The following FAF2 variants were observed in gnomAD, a reference collection of about 807,000 sequenced individuals.
The protein encoded by FAF2 is FAS-associated factor 2.
A neutral mutation model predicts 62.3 loss-of-function variants in FAF2; 9 were observed. The observed-to-expected ratio is 0.14, with a 90% CI of 0.09 to 0.25. FAF2 has a LOEUF of 0.25. Ranked by LOEUF, FAF2 falls within the 10% of genes least tolerant of loss-of-function variation. FAF2 has a pLI of 1.00. For missense variants in FAF2, 368 were observed against 556.2 expected, an observed-to-expected ratio of 0.66 and a Z score of 3.40; for synonymous variants, 202 against 198.0, an observed-to-expected ratio of 1.02 and a Z score of -0.17.
chr5:176,457,864 G>A (rs369067864), intron 1 of FAF2, among the ~76,000 whole-genome samples: 1 of 152,254 alleles, frequency 6.6e-6, no homozygotes, highest in African/African-American at 2.4e-5. Context: ...TTTTAAATGT[G>A]TGTTTGTAAA....
In FAF2 at chr5:176,506,990, A is replaced by G; in HGVS notation, c.*40A>G. 2 of 1,344,722 alleles carry G rather than the reference A, an allele frequency of 1.5e-6. No individual in the cohort carries two copies. The highest frequency in any genetic ancestry group is 5.5e-5 in the East Asian group (2 of 36,650). 83.3% of individuals were successfully genotyped at this position (1,344,722 alleles called of 1,614,324 possible). ...TGTCCCCTCCTACCCCAGTCCCTAA[A>G]AGAAATGGGGAAAAAAGAAAACAAC... On this transcript the variant is annotated 3_prime_UTR_variant, in exon 11 of 11. Transcript: ENST00000261942.
In FAF2 at chr5:176,464,157, G is replaced by A. The variant is rs188635685; in HGVS notation, c.64-15031G>A. ...TTTTTTGTAGAGACAGGGTCTCACC[G>A]TGTTTCCCAGGCTGTCCTTAAGGCC... On this transcript the variant is annotated intron_variant, in intron 1 of 10. Coordinates refer to ENST00000261942, the MANE Select transcript of FAF2 (RefSeq NM_014613.3). Among the ~76,000 whole-genome samples the A allele has an allele frequency of 1.4e-3, 218 of 151,978 alleles. 2 individuals carry two copies. The highest frequency in any genetic ancestry group is 2.8e-3 in the Admixed American group (43 of 15,242).
Position 176,494,494 on chromosome 5 carries a change from C to T in FAF2, c.661+219C>T, listed in dbSNP as rs199697518. Among the ~76,000 whole-genome samples, 1 of 152,128 alleles carries T rather than the reference C, an allele frequency of 6.6e-6. No homozygotes were observed. Among genetic ancestry groups the T allele is most frequent in the Admixed American group, 6.5e-5 (1 of 15,272 alleles). On this transcript the variant is annotated intron_variant, in intron 7 of 10. Transcript: ENST00000261942. This position sits in a 1 kb window ranked among gnomAD's most constrained non-coding sequence, Gnocchi z 4.0. ...GTTTAGGAAATAGGCTCAGAGAGTT[C>T]AAGCCACTGGCTGAAGATCACACAA...
chr5:176,475,534 T>C (rs887659328), intron 1 of FAF2, among the ~76,000 whole-genome samples: 2 of 152,156 alleles, frequency 1.3e-5, no homozygotes, highest in African/African-American at 2.4e-5. Flanking sequence ...CCCAACACTT[T>C]GGGAGGCCGA....
intron 1 of FAF2, among the ~76,000 whole-genome samples, chr5:176,462,529 C>T (rs538989695): frequency 6.6e-6 from 1 of 151,956 alleles, no homozygotes; most frequent in African/African-American, 2.4e-5. Flanking sequence ...GAGGCTGAGG[C>T]AGGAGAATCA....
chr5:176,499,924 A>C, intron 9 of FAF2, 79 bp from the exon 10 acceptor site: 2 of 1,533,332 alleles, frequency 1.3e-6, no homozygotes, highest in Non-Finnish European at 1.8e-6. Flanking sequence ...TTTTCTTCTG[A>C]CGACTGCGTA....
chr5:176,492,426 C>G, intron 5 of FAF2, 94 bp downstream of exon 5: 1 of 1,352,986 alleles, frequency 7.4e-7, no homozygotes, highest in South Asian at 1.6e-5. Flanking sequence ...CCTTCTTGTA[C>G]TCAAAAACCT....
chr5:176,508,987 CTTCTT>C lies in FAF2; in HGVS notation c.*2038_*2042del. 6.6e-6 allele frequency: 1 copy of C among 152,204 alleles called. No homozygotes were observed. Among genetic ancestry groups the C allele is most frequent in the East Asian group, 1.9e-4 (1 of 5,176 alleles). 9.4% of individuals were successfully genotyped at this position (152,204 alleles called of 1,614,324 possible). On this transcript the variant is annotated 3_prime_UTR_variant, in exon 11 of 11. Transcript: ENST00000261942. ...TTTTTTTTCCATCATAATTCAGTCT[CTTCTT>C]ATTCTACAGTGTGCACTTTATGCCT...
At chr5:176,481,927 A>C (rs1758789016) in intron 2 of FAF2, among the ~76,000 whole-genome samples, 1 of 152,098 alleles carries the variant, frequency 6.6e-6, no homozygotes, top group African/African-American at 2.4e-5. Context: ...CCTTTTGAAG[A>C]GCTCCCAGAC....
At chr5:176,454,162 G>A (rs1162243336) in intron 1 of FAF2, among the ~76,000 whole-genome samples, 1 of 151,502 alleles carries the variant, frequency 6.6e-6, no homozygotes, top group South Asian at 2.1e-4. Context: ...GGAGGCCGAG[G>A]CAGGCAGATC....
intron 4 of FAF2, among the ~76,000 whole-genome samples, chr5:176,491,096 A>G (rs557239812): frequency 1.3e-5 from 2 of 152,324 alleles, no homozygotes; most frequent in African/African-American, 2.4e-5. Context: ...TTGTTAAGGA[A>G]AAGTATCACA....
chr5:176,502,815 C>T (rs548546719), intron 10 of FAF2, among the ~76,000 whole-genome samples: 27 of 151,226 alleles, frequency 1.8e-4, no homozygotes, highest in Non-Finnish European at 3.4e-4. Flanking sequence ...TTTGGGGGGC[C>T]GAGGCAGGCG....
At chr5:176,486,657 G>A (rs576926006) in intron 3 of FAF2, among the ~76,000 whole-genome samples, 168 bp downstream of exon 3, 1 of 140,074 alleles carries the variant, frequency 7.1e-6, no homozygotes, top group Admixed American at 7.6e-5. Flanking sequence ...TCAAGGAATT[G>A]TTACAGAAAC....
intron 3 of FAF2, among the ~76,000 whole-genome samples, chr5:176,488,258 G>A (rs1009336593): frequency 2.6e-5 from 4 of 151,152 alleles, no homozygotes; most frequent in East Asian, 4.0e-4. Context: ...GATTACAGGC[G>A]TGAGCCACCA....
At chr5:176,460,482 A>C (rs1364606159) in intron 1 of FAF2, among the ~76,000 whole-genome samples, 29 of 148,734 alleles carry the variant, frequency 1.9e-4, no homozygotes, top group Admixed American at 1.8e-3. Context: ...GCATTTCTCT[A>C]ATGAGCAGTG....
At chr5:176,464,147 G>C (rs1758426186) in intron 1 of FAF2, among the ~76,000 whole-genome samples, 1 of 152,038 alleles carries the variant, frequency 6.6e-6, no homozygotes, top group African/African-American at 2.4e-5. Context: ...TGTAGAGACA[G>C]GGTCTCACCG....
chr5:176,473,367 CAGG>C (rs1758606792), intron 1 of FAF2, among the ~76,000 whole-genome samples: 1 of 152,094 alleles, frequency 6.6e-6, no homozygotes, highest in Non-Finnish European at 1.5e-5. Flanking sequence ...GGGTTTTTGG[CAGG>C]AAGATTACAG....
Position 176,506,588 on chromosome 5 carries a change from T to C in FAF2, c.1156-180T>C, listed in dbSNP as rs113279592. 3.2e-3 allele frequency among the ~76,000 whole-genome samples: 489 copies of C among 152,326 alleles called. 2 individuals carry two copies. The highest frequency in any genetic ancestry group is 0.011 in the African/African-American group (469 of 41,576). ...AATTTCTTTTAAAAGGGCTGCCCCATGTATATGCCATGGGAAATGAAAAGA... is the reference window on the plus strand; with the variant it reads ...AATTTCTTTTAAAAGGGCTGCCCCACGTATATGCCATGGGAAATGAAAAGA... On this transcript the variant is annotated intron_variant, in intron 10 of 10. Coordinates refer to ENST00000261942, the MANE Select transcript of FAF2 (RefSeq NM_014613.3).
intron 1 of FAF2, among the ~76,000 whole-genome samples, chr5:176,472,664 T>C (rs968728108): frequency 6.8e-6 from 1 of 147,906 alleles, no homozygotes; most frequent in African/African-American, 2.5e-5. Context: ...GGAGGATTGC[T>C]TGAGGCCAGG....
Sources: allele counts gnomAD v4.1 joint callset (sites outside exome capture counted in the v4.1 genomes callset), GRCh38; gene constraint gnomAD v4.1.1; non-coding constraint Gnocchi (gnomAD v3.1); transcripts MANE v1.5; gene names NCBI Gene and HGNC (gene_info 2026-07-23, HGNC 2026-07-21).